CNBD1: variants seen among roughly 807,000 people sequenced by gnomAD.
CNBD1 encodes the protein cyclic nucleotide binding domain containing 1.
In CNBD1, 71 loss-of-function variants were observed where a neutral mutation model predicts 54.4. The ratio of observed to expected loss-of-function variants is 1.30; its 90% CI spans 1.08 to 1.59. The LOEUF is 1.59. Ranked by LOEUF, CNBD1 falls within the 40% of genes most tolerant of loss-of-function variation. The pLI, the probability that CNBD1 is intolerant of heterozygous loss-of-function variation, is 0.00. For missense variants in CNBD1, 659 were observed against 518.0 expected, an observed-to-expected ratio of 1.27 and a Z score of -2.64; for synonymous variants, 182 against 170.7, an observed-to-expected ratio of 1.07 and a Z score of -0.51.
intron 4 of CNBD1, among the ~76,000 whole-genome samples, chr8:87,110,049 C>T (rs1443026472): frequency 6.6e-6 from 1 of 152,106 alleles, no homozygotes; most frequent in Non-Finnish European, 1.5e-5. Context: ...TGTGCATATT[C>T]TTATCTTGGC....
At chr8:87,083,204 C>T (rs978883379) in intron 4 of CNBD1, among the ~76,000 whole-genome samples, 3 of 152,236 alleles carry the variant, frequency 2.0e-5, no homozygotes, top group East Asian at 1.9e-4. Flanking sequence ...TGTTTCTTTG[C>T]GATATTTTAA....
intron 6 of CNBD1, among the ~76,000 whole-genome samples, chr8:87,255,409 G>C (rs988799668): frequency 6.6e-6 from 1 of 152,080 alleles, no homozygotes; most frequent in African/African-American, 2.4e-5. Flanking sequence ...AGAAAGTAGA[G>C]CTAAGGTGTA....
chr8:87,195,426 C>T lies in CNBD1; in HGVS notation c.432-10567C>T, dbSNP rs182262329. Among the ~76,000 whole-genome samples the T allele has an allele frequency of 1.4e-3, 219 of 151,786 alleles. 1 individual carries two copies. Among genetic ancestry groups the T allele is most frequent in the African/African-American group, 4.9e-3 (201 of 41,378 alleles). On this transcript the variant is annotated intron_variant, in intron 4 of 10. Coordinates refer to ENST00000518476, the MANE Select transcript of CNBD1 (RefSeq NM_173538.3). The stretch of plus-strand genomic sequence containing the variant: ...TAGTTTTAGTAGAGACAGGGTTTCA[C>T]CATGTTGGCCAGGCTGGTCTTGAAC...
At chr8:87,422,073 TG>T (rs1463449702) in intron 2 of CNBD1, among the ~76,000 whole-genome samples, 1 of 138,552 alleles carries the variant, frequency 7.2e-6, no homozygotes, top group African/African-American at 2.9e-5. Context: ...TAAATGTCTT[TG>T]TTTGAGAAGT....
intron 2 of CNBD1, among the ~76,000 whole-genome samples, chr8:87,416,866 G>C (rs1485553918): frequency 6.6e-6 from 1 of 152,000 alleles, no homozygotes; most frequent in East Asian, 1.9e-4. Context: ...AAATATGGAT[G>C]TAAAAATTCT....
At chr8:86,906,067 A>G (rs1041426920) in intron 3 of CNBD1, among the ~76,000 whole-genome samples, 1 of 152,220 alleles carries the variant, frequency 6.6e-6, no homozygotes, top group South Asian at 2.1e-4. Flanking sequence ...GACATTTAGC[A>G]GAGGGACTGA....
chr8:87,252,688 A>ACT (rs1488257308), intron 6 of CNBD1, among the ~76,000 whole-genome samples: 1 of 152,106 alleles, frequency 6.6e-6, no homozygotes, highest in Non-Finnish European at 1.5e-5. Flanking sequence ...GGAATCCAAA[A>ACT]CTCAGAGGGA....
chr8:86,980,127 A>T (rs1808448648), intron 4 of CNBD1, among the ~76,000 whole-genome samples: 1 of 152,196 alleles, frequency 6.6e-6, no homozygotes, highest in Non-Finnish European at 1.5e-5. Flanking sequence ...TAGGATTCAT[A>T]ACATTTGGAA....
At chr8:87,246,158 T>C (rs1807799735) in intron 6 of CNBD1, among the ~76,000 whole-genome samples, 1 of 152,134 alleles carries the variant, frequency 6.6e-6, no homozygotes, top group Admixed American at 6.6e-5. Context: ...CACAAAATGA[T>C]GAAAAGATGA....
At chr8:87,410,943 A>T (rs1396745458) in intron 2 of CNBD1, among the ~76,000 whole-genome samples, 2 of 149,962 alleles carry the variant, frequency 1.3e-5, no homozygotes, top group Non-Finnish European at 2.9e-5. Context: ...TTTTAGCAAG[A>T]AAGTATTTTT....
At chr8:87,329,261 A>G (rs763419771) in intron 8 of CNBD1, among the ~76,000 whole-genome samples, 9 of 152,012 alleles carry the variant, frequency 5.9e-5, no homozygotes, top group Admixed American at 1.3e-4. Flanking sequence ...ACATTGATCT[A>G]TTTATCTATA....
chr8:87,286,683 G>A lies in CNBD1; in HGVS notation c.1042+12G>A. On this transcript the variant is annotated intron_variant, in intron 8 of 10. Transcript: ENST00000518476. ...TCCTCCAGGTCATGGTAAGTTTAAT[G>A]CAATTTAGATCATTTTGTTTGCATT... 1 of 1,526,788 alleles carries A rather than the reference G, an allele frequency of 6.5e-7. No homozygotes were observed. Among genetic ancestry groups the A allele is most frequent in the South Asian group, 1.2e-5 (1 of 81,258 alleles). 94.6% of individuals were successfully genotyped at this position (1,526,788 alleles called of 1,614,324 possible).
chr8:87,298,240 T>C (rs1211670768), intron 8 of CNBD1, among the ~76,000 whole-genome samples: 1 of 152,076 alleles, frequency 6.6e-6, no homozygotes, highest in Non-Finnish European at 1.5e-5. Flanking sequence ...TGCATGTTTA[T>C]AGTTTAAAAA....
intron 2 of CNBD1, among the ~76,000 whole-genome samples, chr8:87,395,919 C>T (rs115444921): frequency 0.019 from 2,876 of 151,962 alleles, 92 homozygotes; most frequent in African/African-American, 0.063. Flanking sequence ...CGCTCAGTAC[C>T]TCTCCTTACT....
chr8:87,084,320 A>C (rs1183848450), intron 4 of CNBD1, among the ~76,000 whole-genome samples: 2 of 152,190 alleles, frequency 1.3e-5, no homozygotes, highest in African/African-American at 4.8e-5. Context: ...TGGTATTATA[A>C]TCCTTCTACT....
intron 6 of CNBD1, among the ~76,000 whole-genome samples, chr8:87,283,076 ATCT>A (rs1808626899): frequency 6.6e-6 from 1 of 152,024 alleles, no homozygotes; most frequent in African/African-American, 2.4e-5. Flanking sequence ...GTCTCCATCT[ATCT>A]TCTGTAGCTA....
chr8:87,023,630 A>G (rs61120094), intron 4 of CNBD1, among the ~76,000 whole-genome samples: 4,597 of 152,288 alleles, frequency 0.03, 239 homozygotes, highest in African/African-American at 0.1. Context: ...TTTTAATTCA[A>G]GTATCAAATT....
rs1326870560 is a variant in CNBD1 at position 87,363,906 on chromosome 8, GT to G, written c.1303+10124del. On this transcript the variant is annotated intron_variant, in intron 10 of 10. Coordinates refer to ENST00000518476, the MANE Select transcript of CNBD1 (RefSeq NM_173538.3). ...GGCTTTTGTTGTCATTGCTTTTGGT[GT>G]TTTATTCATGAAGTCCTTGCCCATG... 2.0e-5 allele frequency among the ~76,000 whole-genome samples: 3 copies of G among 149,392 alleles called. No individual in the cohort carries two copies. In the East Asian group the frequency reaches 5.8e-4, roughly 29 times the overall value.
At chr8:86,883,798 T>C (rs1347613035) in intron 1 of CNBD1, among the ~76,000 whole-genome samples, 1 of 152,216 alleles carries the variant, frequency 6.6e-6, no homozygotes, top group Non-Finnish European at 1.5e-5. Flanking sequence ...TAAACGTAGA[T>C]TATTTTTTCC....
Sources: gnomAD v4.1 joint callset for allele counts (sites outside exome capture counted in the v4.1 genomes callset) on GRCh38, gnomAD v4.1.1 for gene constraint, MANE v1.5 for transcripts, NCBI Gene and HGNC (gene_info 2026-07-23, HGNC 2026-07-21) for gene names.